SNX29: variants seen among roughly 807,000 people sequenced by gnomAD.
The protein encoded by SNX29 is sorting nexin-29.
SNX29 carries 78 observed loss-of-function variants against 102.1 expected under a neutral mutation model. The ratio of observed to expected loss-of-function variants is 0.76; its 90% CI spans 0.64 to 0.92. The LOEUF is 0.92. Ranked by LOEUF, SNX29 falls within the 40% of genes least tolerant of loss-of-function variation. The pLI, the probability that SNX29 is intolerant of heterozygous loss-of-function variation, is 0.00. For synonymous variants in SNX29, 580 were observed against 414.5 expected, an observed-to-expected ratio of 1.40 and a Z score of -4.85; for missense variants, 1,280 against 1,061.7, an observed-to-expected ratio of 1.21 and a Z score of -2.86.
At chr16:12,224,868 T>A (rs142463991) in intron 14 of SNX29, among the ~76,000 whole-genome samples, 12 of 152,218 alleles carry the variant, frequency 7.9e-5, no homozygotes, top group Non-Finnish European at 1.6e-4. Context: ...TCAGTTCTCA[T>A]GAACTGTGGA....
chr16:12,155,370 C>T (rs748824434), intron 13 of SNX29, among the ~76,000 whole-genome samples: 1 of 152,154 alleles, frequency 6.6e-6, no homozygotes, highest in East Asian at 1.9e-4. Flanking sequence ...CTGGGAGGAG[C>T]AGCTCACGTG....
At position 12,571,183 on chromosome 16, in the gene SNX29, G is replaced by C. The variant is rs1051106464; in HGVS notation, c.*2554G>C. The C allele has an allele frequency of 4.3e-6, 1 of 232,318 alleles. No individual in the cohort carries two copies. Among genetic ancestry groups the C allele is most frequent in the African/African-American group, 2.2e-5 (1 of 45,218 alleles). 14.4% of individuals were successfully genotyped at this position (232,318 alleles called of 1,614,324 possible). On this transcript the variant is annotated 3_prime_UTR_variant, in exon 21 of 21. Coordinates refer to ENST00000566228, the MANE Select transcript of SNX29 (RefSeq NM_032167.5). Reference sequence around the variant, plus strand: ...TCCCGTCCTGCTCTCTAGTGTGGTGGGATGAACTTCAGGCAACAAACAACT... The same window carrying C: ...TCCCGTCCTGCTCTCTAGTGTGGTGCGATGAACTTCAGGCAACAAACAACT...
chr16:12,471,388 C>T (rs1314161018), intron 18 of SNX29, among the ~76,000 whole-genome samples: 1 of 152,194 alleles, frequency 6.6e-6, no homozygotes, highest in Non-Finnish European at 1.5e-5. Context: ...AAAGACTTAG[C>T]CTCTAGCACT....
At chr16:12,063,944 G>C (rs936417385) in intron 9 of SNX29, among the ~76,000 whole-genome samples, 2 of 152,054 alleles carry the variant, frequency 1.3e-5, no homozygotes, top group Non-Finnish European at 2.9e-5. Context: ...TGTAGATGCA[G>C]GCAGGTCATC....
Position 12,259,206 on chromosome 16 carries a change from C to A in SNX29, c.1679-18727C>A, listed in dbSNP as rs549567595. ...TGGTTTGTCATTTATTATATCGTTC[C>A]GATTTGTCAAGGTCTCCTTCTCAAC... is the stretch of plus-strand genomic sequence containing the variant. On this transcript the variant is annotated intron_variant, in intron 14 of 20. Coordinates refer to ENST00000566228, the MANE Select transcript of SNX29 (RefSeq NM_032167.5). Among the ~76,000 whole-genome samples the A allele has an allele frequency of 6.6e-5, 10 of 152,252 alleles. No individual in the cohort carries two copies. In the East Asian group the frequency reaches 7.7e-4, roughly 12 times the overall value.
intron 18 of SNX29, among the ~76,000 whole-genome samples, chr16:12,438,800 G>T (rs1351784218): frequency 1.3e-5 from 2 of 152,222 alleles, no homozygotes; most frequent in African/African-American, 2.4e-5. Context: ...AGCTAACCAG[G>T]TGTAGGGGTG....
At chr16:12,539,755 G>A (rs867710620) in intron 20 of SNX29, among the ~76,000 whole-genome samples, 20 of 152,148 alleles carry the variant, frequency 1.3e-4, no homozygotes, top group Non-Finnish European at 4.4e-5. Flanking sequence ...TTTCATCATG[G>A]TCTTAATTTG....
rs190110309 is a variant in SNX29 at position 12,088,597 on chromosome 16, T to C, written c.1402+9682T>C. Among the ~76,000 whole-genome samples the C allele has an allele frequency of 2.6e-5, 4 of 152,346 alleles. No homozygotes were observed. In the East Asian group the frequency reaches 7.7e-4, roughly 29 times the overall value. On this transcript the variant is annotated intron_variant, in intron 11 of 20. Transcript: ENST00000566228. ...TTTTTGAAGAAAAAAGAGAGATTTCTTTCTTTGTATTTTCTTCTGTTCTTT... is the reference window on the plus strand; with the variant it reads ...TTTTTGAAGAAAAAAGAGAGATTTCCTTCTTTGTATTTTCTTCTGTTCTTT...
intron 20 of SNX29, chr16:12,561,025 C>G (rs577353312): frequency 1.3e-4 from 29 of 220,830 alleles, no homozygotes; most frequent in African/African-American, 6.0e-4. Flanking sequence ...TGGTGGAAGT[C>G]TTGGAGACCC....
rs570418330 is a variant in SNX29 at position 12,059,777 on chromosome 16, G to C, written c.1125-1751G>C. On this transcript the variant is annotated intron_variant, in intron 8 of 20. Coordinates refer to ENST00000566228, the MANE Select transcript of SNX29 (RefSeq NM_032167.5). The stretch of plus-strand genomic sequence containing the variant: ...TGGTCTATTACAGAAAATATTTGTT[G>C]ATTTTAGAGTAGCTCTAACATAAAG... Among the ~76,000 whole-genome samples, 11 of 152,260 alleles carry C rather than the reference G, an allele frequency of 7.2e-5. No individual in the cohort carries two copies. The East Asian group carries it at 2.1e-3, about 29-fold the overall frequency.
intron 4 of SNX29, among the ~76,000 whole-genome samples, chr16:12,033,957 A>G (rs865966140): frequency 6.6e-6 from 1 of 152,144 alleles, no homozygotes; most frequent in Non-Finnish European, 1.5e-5. Flanking sequence ...AAAGGACTGC[A>G]TTCAAAATAA....
intron 15 of SNX29, among the ~76,000 whole-genome samples, chr16:12,300,703 G>A (rs778579579): frequency 1.4e-4 from 22 of 152,242 alleles, no homozygotes; most frequent in Admixed American, 7.2e-4. Context: ...TTGCTCCAGC[G>A]GCCGTCGTGA....
At chr16:12,505,734 T>C (rs899872882) in intron 19 of SNX29, among the ~76,000 whole-genome samples, 1 of 139,996 alleles carries the variant, frequency 7.1e-6, no homozygotes, top group African/African-American at 2.7e-5. Context: ...AGTTTTTATA[T>C]GAATTTTTGG....
intron 13 of SNX29, among the ~76,000 whole-genome samples, chr16:12,155,156 G>T (rs186237185): frequency 6.6e-6 from 1 of 152,040 alleles, no homozygotes; most frequent in East Asian, 1.9e-4. Context: ...CCCCTTCCGC[G>T]CCCAGGGGAC....
chr16:12,029,928 G>A (rs183087307), intron 4 of SNX29, among the ~76,000 whole-genome samples: 22 of 108,440 alleles, frequency 2.0e-4, no homozygotes, highest in East Asian at 1.9e-3. Flanking sequence ...ATATATCATC[G>A]TCAGGTTATA....
chr16:12,404,201 A>G (rs2084072975), intron 18 of SNX29, among the ~76,000 whole-genome samples: 2 of 152,190 alleles, frequency 1.3e-5, no homozygotes, highest in Admixed American at 1.3e-4. Context: ...GATACTGGAC[A>G]AGCGGGACCT....
chr16:12,250,192 A>G lies in SNX29; in HGVS notation c.1679-27741A>G, dbSNP rs576516343. On this transcript the variant is annotated intron_variant, in intron 14 of 20. Coordinates refer to ENST00000566228, the MANE Select transcript of SNX29 (RefSeq NM_032167.5). ...CCAGGCAGGTGGAGGAGCATGTGCA[A>G]AGGCCCAGAGACAAGAGCGGGCACG... 1.0e-3 allele frequency among the ~76,000 whole-genome samples: 153 copies of G among 152,336 alleles called. 1 individual carries two copies. The highest frequency in any genetic ancestry group is 3.6e-3 in the African/African-American group (148 of 41,582).
Position 12,572,393 on chromosome 16 carries a change from G to A in SNX29, c.*3764G>A. The A allele has an allele frequency of 1.9e-6, 2 of 1,063,298 alleles. No homozygotes were observed. Among genetic ancestry groups the A allele is most frequent in the Non-Finnish European group, 2.3e-6 (2 of 877,996 alleles). 65.9% of individuals were successfully genotyped at this position (1,063,298 alleles called of 1,614,324 possible). A position where few individuals can be genotyped will look rare whatever the true frequency, so the allele number is the denominator to read the frequency against. On this transcript the variant is annotated 3_prime_UTR_variant, in exon 21 of 21. Coordinates refer to ENST00000566228, the MANE Select transcript of SNX29 (RefSeq NM_032167.5). ...TCTGGAGGCGGCTTATATCCCAACAGCCTGAGGCAGGGCTCTGTGGCCCAG... is the reference window on the plus strand; with the variant it reads ...TCTGGAGGCGGCTTATATCCCAACAACCTGAGGCAGGGCTCTGTGGCCCAG...
chr16:12,215,295 T>G (rs2077291761), intron 14 of SNX29, among the ~76,000 whole-genome samples: 1 of 147,150 alleles, frequency 6.8e-6, no homozygotes, highest in Non-Finnish European at 1.5e-5. Context: ...GCCAGGAGTT[T>G]GAGACGCAAT....
Sources: gnomAD v4.1 joint callset for allele counts (sites outside exome capture counted in the v4.1 genomes callset) on GRCh38, gnomAD v4.1.1 for gene constraint, MANE v1.5 for transcripts, NCBI Gene and HGNC (gene_info 2026-07-23, HGNC 2026-07-21) for gene names.